The following TSPAN1 variants were observed in gnomAD, a reference collection of about 807,000 sequenced individuals.
TSPAN1 encodes tetraspanin-1.
TSPAN1 carries 23 observed loss-of-function variants against 26.9 expected under a neutral mutation model. The observed-to-expected ratio is 0.85, with a 90% CI of 0.62 to 1.21. TSPAN1 has a LOEUF of 1.21. TSPAN1 is among the 50% of genes most tolerant of loss of function. TSPAN1 has a pLI of 0.00. For missense variants in TSPAN1, 283 were observed against 298.4 expected (o/e 0.95, Z 0.38); for synonymous variants, 115 against 114.8 (o/e 1.00, Z -0.01).
At chr1:46,193,715 C>T in the TSPAN1 span, 9 of 1,607,194 alleles carry the variant, frequency 5.6e-6, no homozygotes, top group African/African-American at 9.4e-5. Flanking sequence ...CAGCTGGGCC[C>T]AGAGTCCCTA....
chr1:46,194,775 C>A, the TSPAN1 span: 1 of 1,613,434 alleles, frequency 6.2e-7, no homozygotes. Flanking sequence ...CCACCCCACC[C>A]CATCTCCTAG....
chr1:46,194,864 G>T, the TSPAN1 span: 1 of 1,614,074 alleles, frequency 6.2e-7, no homozygotes, highest in South Asian at 1.1e-5. Flanking sequence ...TCCCACGAAG[G>T]CCCATGTGTC....
At chr1:46,179,543 G>A (rs1292194219) in intron 1 of TSPAN1, among the ~76,000 whole-genome samples, 1 of 152,164 alleles carries the variant, frequency 6.6e-6, no homozygotes, top group Non-Finnish European at 1.5e-5. Flanking sequence ...GTTCATAAGC[G>A]ACAGAGCCAG....
At chr1:46,184,527 G>GA in intron 4 of TSPAN1, 67 bp from the exon 5 acceptor site, 2 of 1,605,554 alleles carry the variant, frequency 1.2e-6, no homozygotes, top group Non-Finnish European at 1.7e-6. Context: ...TCCGGGGGGG[G>GA]GATTAGGGCA....
chr1:46,182,950 C>G (rs1010373819), intron 3 of TSPAN1, among the ~76,000 whole-genome samples: 3 of 152,118 alleles, frequency 2.0e-5, no homozygotes, highest in African/African-American at 7.2e-5. Flanking sequence ...GTATCTAGGA[C>G]TACAGGAGTG....
intron 1 of TSPAN1, chr1:46,176,420 G>C (rs984935832): frequency 2.6e-6 from 4 of 1,535,766 alleles, no homozygotes; most frequent in Admixed American, 3.9e-5. Context: ...CTGCGGTAGG[G>C]GGAACGCATG....
downstream of TSPAN1, among the ~76,000 whole-genome samples, chr1:46,188,302 A>G (rs1018729130): frequency 8.6e-5 from 13 of 151,902 alleles, no homozygotes; most frequent in African/African-American, 2.9e-4. Context: ...TCCCACCCCT[A>G]CTATGCACAC....
intron 1 of TSPAN1, among the ~76,000 whole-genome samples, chr1:46,179,908 C>T (rs1312981646): frequency 2.0e-5 from 3 of 151,810 alleles, no homozygotes; most frequent in Non-Finnish European, 4.4e-5. Flanking sequence ...GCGGAAGCTG[C>T]CAAATCTCAG....
downstream of TSPAN1, chr1:46,189,937 G>A: frequency 1.2e-6 from 2 of 1,614,074 alleles, no homozygotes; most frequent in South Asian, 1.1e-5. Flanking sequence ...TCTGTGTCTG[G>A]CAGGAAAGAG....
At chr1:46,182,397 G>A (rs1657335000) in intron 3 of TSPAN1, among the ~76,000 whole-genome samples, 1 of 150,660 alleles carries the variant, frequency 6.6e-6, no homozygotes, top group Non-Finnish European at 1.5e-5. Context: ...CCACATTAGA[G>A]TAGGTTAGTG....
the TSPAN1 span, chr1:46,194,818 G>A: frequency 6.2e-7 from 1 of 1,613,684 alleles, no homozygotes; most frequent in Non-Finnish European, 8.5e-7. Flanking sequence ...TGATACTACA[G>A]AGTGGATGGC....
chr1:46,188,283 C>T (rs1004632803), downstream of TSPAN1, among the ~76,000 whole-genome samples: 1 of 152,200 alleles, frequency 6.6e-6, no homozygotes, highest in African/African-American at 2.4e-5. Flanking sequence ...CCTGTCCCAT[C>T]CACTTCCTTC....
intron 3 of TSPAN1, among the ~76,000 whole-genome samples, chr1:46,182,139 G>C (rs895824483): frequency 2.0e-5 from 3 of 151,502 alleles, no homozygotes; most frequent in African/African-American, 7.3e-5. Flanking sequence ...TTTGTGGGAA[G>C]GGGTGTCCCA....
chr1:46,194,444 A>C, the TSPAN1 span: 1 of 1,614,064 alleles, frequency 6.2e-7, no homozygotes, highest in East Asian at 2.2e-5. Flanking sequence ...GGGGCCAGCA[A>C]GGTTTGAAGA....
At chr1:46,192,286 C>T in the TSPAN1 span, 11 of 1,614,054 alleles carry the variant, frequency 6.8e-6, no homozygotes, top group East Asian at 2.2e-5. Context: ...CTCCAGCCCC[C>T]TCACCCTACC....
rs752391440 is a variant in TSPAN1, at chr1:46,181,180, G to A, written c.57+16G>A. On this transcript the variant is annotated intron_variant, in intron 3 of 8. Coordinates refer to ENST00000372003, the MANE Select transcript of TSPAN1 (RefSeq NM_005727.4). ...GCTCATCTTTGTAAGTACGGACATT[G>A]TGGACTCTTTGGGGCTCCCTATAGG... 1.2e-6 allele frequency: 2 copies of A among 1,610,360 alleles called. No homozygotes were observed. Among genetic ancestry groups the A allele is most frequent in the Admixed American group, 3.4e-5 (2 of 59,502 alleles).
chr1:46,178,085 G>A (rs547138602), intron 1 of TSPAN1, among the ~76,000 whole-genome samples: 4 of 152,284 alleles, frequency 2.6e-5, no homozygotes, highest in East Asian at 3.9e-4. Context: ...TTCCAGGTGC[G>A]GTGGCTCACG....
downstream of TSPAN1, among the ~76,000 whole-genome samples, chr1:46,187,284 C>T (rs898664624): frequency 8.5e-5 from 13 of 152,206 alleles, no homozygotes; most frequent in African/African-American, 2.9e-4. Context: ...ACTAGTTCCA[C>T]TTGAAGGGGC....
At chr1:46,195,823 G>A in the TSPAN1 span, 1 of 1,596,126 alleles carries the variant, frequency 6.3e-7, no homozygotes, top group South Asian at 1.1e-5. Context: ...TGACAGTGCA[G>A]ATGAGCACTC....
Sources: allele counts gnomAD v4.1 joint callset (sites outside exome capture counted in the v4.1 genomes callset), GRCh38; gene constraint gnomAD v4.1.1; transcripts MANE v1.5; gene names NCBI Gene and HGNC (gene_info 2026-07-23, HGNC 2026-07-21).